The following PHKB variants were observed in gnomAD, a reference collection of about 807,000 sequenced individuals.
PHKB encodes the protein phosphorylase b kinase regulatory subunit beta.
Under a neutral mutation model 152.1 loss-of-function variants are expected in PHKB, and 122 were observed. That is an observed-to-expected ratio of 0.80 (90% CI 0.69 to 0.93). The LOEUF (loss-of-function observed/expected upper bound fraction) is 0.93, where lower values mean the gene tolerates loss of function less well. PHKB is among the 40% of genes least tolerant of loss of function. PHKB has a pLI of 0.00. For missense variants in PHKB, 1,304 were observed against 1,328.4 expected (o/e 0.98, Z 0.29); for synonymous variants, 436 against 464.9 (o/e 0.94, Z 0.80).
At chr16:47,598,756 T>G in intron 13 of PHKB, 1 of 1,587,712 alleles carries the variant, frequency 6.3e-7, no homozygotes, top group Non-Finnish European at 8.6e-7. Context: ...ATGTTCAGCC[T>G]AAAGAATCAC....
Position 47,701,224 on chromosome 16 carries a change from G to A in PHKB, c.*1858G>A, listed in dbSNP as rs767304034. 4 of 152,156 alleles carry A rather than the reference G, an allele frequency of 2.6e-5. No individual in the cohort carries two copies. The highest frequency in any genetic ancestry group is 6.5e-5 in the Admixed American group (1 of 15,272). The allele number at this position is 152,156 out of a possible 1,614,324, so 9.4% of individuals were successfully genotyped here. A position where few individuals can be genotyped will look rare whatever the true frequency, so the allele number is the denominator to read the frequency against. On this transcript the variant is annotated 3_prime_UTR_variant, in exon 31 of 31. Coordinates refer to ENST00000323584, the MANE Select transcript of PHKB (RefSeq NM_000293.3). ...AAAAGACTTAAAATTTTTGTTTGCC[G>A]AAATTTTTACGAAAGTAAACTGTGT...
Position 47,651,990 on chromosome 16 carries a change from G to A in PHKB, c.1971+1069G>A, listed in dbSNP as rs139052057. On this transcript the variant is annotated intron_variant, in intron 20 of 30. Transcript: ENST00000323584. Reference sequence around the variant, plus strand: ...GTATTCTGTCCTATGGATGTTTCATGGCTGTCATATTTTATCTTTTCTGAG... The same window carrying A: ...GTATTCTGTCCTATGGATGTTTCATAGCTGTCATATTTTATCTTTTCTGAG... 3.2e-3 allele frequency among the ~76,000 whole-genome samples: 484 copies of A among 152,030 alleles called. 5 individuals carry two copies. Among genetic ancestry groups the A allele is most frequent in the Non-Finnish European group, 5.9e-3 (399 of 67,978 alleles).
intron 7 of PHKB, chr16:47,566,835 A>G: frequency 1.4e-6 from 1 of 721,302 alleles, no homozygotes; most frequent in Non-Finnish European, 2.6e-6. Flanking sequence ...ATCCTCAGCC[A>G]GAGAGTCTGT....
chr16:47,700,359 A>G lies in PHKB; in HGVS notation c.*993A>G, dbSNP rs985794570. ...GCGAGACTCCATCTCAAAAAAAAAA[A>G]AAAAAAAGAAAAAGAAAAAAATATG... On this transcript the variant is annotated 3_prime_UTR_variant, in exon 31 of 31. Coordinates refer to ENST00000323584, the MANE Select transcript of PHKB (RefSeq NM_000293.3). The G allele has an allele frequency of 2.0e-4, 30 of 151,726 alleles. No homozygotes were observed. The highest frequency in any genetic ancestry group is 3.2e-4 in the Non-Finnish European group (22 of 67,916). The allele number at this position is 151,726 out of a possible 1,614,324, so 9.4% of individuals were successfully genotyped here.
chr16:47,646,935 G>A (rs955934931), intron 16 of PHKB, among the ~76,000 whole-genome samples: 3 of 151,862 alleles, frequency 2.0e-5, no homozygotes, highest in Non-Finnish European at 4.4e-5. Context: ...AAAGGTAAAG[G>A]GGCTTCTTGA....
At chr16:47,495,089 C>G (rs1970209574) in intron 1 of PHKB, among the ~76,000 whole-genome samples, 1 of 151,740 alleles carries the variant, frequency 6.6e-6, no homozygotes, top group Non-Finnish European at 1.5e-5. Context: ...TTCTGCTATG[C>G]TTTGAACATC....
chr16:47,591,119 T>C (rs1192399666), intron 10 of PHKB, among the ~76,000 whole-genome samples: 1 of 152,174 alleles, frequency 6.6e-6, no homozygotes, highest in Non-Finnish European at 1.5e-5. Context: ...TTTCTCTTTC[T>C]TTTTTCTCCT....
At chr16:47,470,814 T>C (rs1407357002) in intron 1 of PHKB, among the ~76,000 whole-genome samples, 1 of 152,226 alleles carries the variant, frequency 6.6e-6, no homozygotes, top group African/African-American at 2.4e-5. Context: ...CTGATGTTTA[T>C]TGGACCTCTC....
At chr16:47,522,747 C>CATCTCAATG (rs1413128386) in intron 6 of PHKB, among the ~76,000 whole-genome samples, 1 of 151,684 alleles carries the variant, frequency 6.6e-6, no homozygotes, top group Non-Finnish European at 1.5e-5. Flanking sequence ...TTTATTCATT[C>CATCTCAATG]ATCTCAATGT....
chr16:47,504,745 A>T (rs561368649), intron 4 of PHKB, among the ~76,000 whole-genome samples: 2 of 152,230 alleles, frequency 1.3e-5, no homozygotes, highest in African/African-American at 4.8e-5. Flanking sequence ...GAAATAACTC[A>T]TGTGAGTGAG....
At chr16:47,557,823 T>C (rs1000443229) in intron 7 of PHKB, among the ~76,000 whole-genome samples, 3 of 152,150 alleles carry the variant, frequency 2.0e-5, no homozygotes, top group South Asian at 2.1e-4. Context: ...GAAGTCAGTG[T>C]GGCGATTCCT....
chr16:47,581,841 G>A (rs1478730754), intron 8 of PHKB, among the ~76,000 whole-genome samples: 12 of 152,088 alleles, frequency 7.9e-5, no homozygotes, highest in East Asian at 3.9e-4. Context: ...CACCACGCCC[G>A]GCTAATTTTT....
At position 47,617,187 on chromosome 16, in the gene PHKB, A is replaced by G. The variant is rs111810718; in HGVS notation, c.1458+6267A>G. 4.0e-3 allele frequency among the ~76,000 whole-genome samples: 592 copies of G among 148,178 alleles called. 2 individuals are homozygous for G. The highest frequency in any genetic ancestry group is 0.013 in the African/African-American group (545 of 40,854). On this transcript the variant is annotated intron_variant, in intron 14 of 30. Coordinates refer to ENST00000323584, the MANE Select transcript of PHKB (RefSeq NM_000293.3). Reference sequence around the variant, plus strand: ...TATAATGTATAAATATACATTATATATAAGTATATACTAAGTAATATAAAT... The same window carrying G: ...TATAATGTATAAATATACATTATATGTAAGTATATACTAAGTAATATAAAT...
chr16:47,540,985 G>A lies in PHKB; in HGVS notation c.595-6448G>A, dbSNP rs112760877. ...TGGGATTACAGGCATACATCACCAC[G>A]CCTGGCTAATTTTTATTTTTTTTTA... On this transcript the variant is annotated intron_variant, in intron 6 of 30. Transcript: ENST00000323584. Among the ~76,000 whole-genome samples the A allele has an allele frequency of 5.8e-4, 88 of 151,670 alleles. 2 individuals carry two copies. The highest frequency in any genetic ancestry group is 3.4e-3 in the Middle Eastern group (1 of 294).
rs1193599125 is a variant in PHKB at position 47,610,919 on chromosome 16, A to G, written c.1457A>G (p.Gln486Arg). 5.2e-6 allele frequency: 8 copies of G among 1,535,692 alleles called. No individual in the cohort carries two copies. The African/African-American group carries it at 1.1e-4, about 21-fold the overall frequency. ...AACGTGAGCATGAGGTTTTCCAATC[A>G]GGTAAAGAATTATTCTATTTCTTGA... ...QRNVSMRFSN[Q>R]GPLENDLVVH... Residue 486 changes from glutamine (Q) to arginine (R), a missense_variant and splice_region_variant, in exon 14 of 31, where the codon CAG becomes CGG. Coordinates refer to ENST00000323584, the MANE Select transcript of PHKB (RefSeq NM_000293.3).
At chr16:47,646,499 GT>G (rs1405733000) in intron 16 of PHKB, among the ~76,000 whole-genome samples, 1 of 126,858 alleles carries the variant, frequency 7.9e-6, no homozygotes, top group African/African-American at 3.1e-5. Context: ...CCTGCACAAT[GT>G]GCATATGTAC....
chr16:47,640,800 A>G (rs2151726196), intron 14 of PHKB, among the ~76,000 whole-genome samples: 1 of 152,286 alleles, frequency 6.6e-6, no homozygotes, highest in Middle Eastern at 3.4e-3. Flanking sequence ...CCCCTGTGGT[A>G]GTGATGAGGT....
intron 14 of PHKB, among the ~76,000 whole-genome samples, chr16:47,623,533 TAGC>T (rs1972654443): frequency 6.6e-6 from 1 of 151,172 alleles, no homozygotes; most frequent in African/African-American, 2.4e-5. Context: ...ATTTTTTAAT[TAGC>T]TCCATATATT....
intron 7 of PHKB, among the ~76,000 whole-genome samples, chr16:47,552,771 T>G (rs1174665717): frequency 6.6e-6 from 1 of 151,408 alleles, no homozygotes; most frequent in Non-Finnish European, 1.5e-5. Context: ...GAGCCAAGAT[T>G]GTGTCACTGT....
Sources: allele counts gnomAD v4.1 joint callset (sites outside exome capture counted in the v4.1 genomes callset), GRCh38; gene constraint gnomAD v4.1.1; transcripts MANE v1.5; gene names NCBI Gene and HGNC (gene_info 2026-07-23, HGNC 2026-07-21).